GLIS1: variants seen among roughly 807,000 people sequenced by gnomAD.
GLIS1 encodes zinc finger protein GLIS1.
GLIS1 carries 24 observed loss-of-function variants against 63.8 expected under a neutral mutation model. The ratio of observed to expected loss-of-function variants is 0.38; its 90% CI spans 0.27 to 0.53. GLIS1 has a LOEUF of 0.53. GLIS1 is among the 20% of genes least tolerant of loss of function. GLIS1 has a pLI of 0.85. For missense variants in GLIS1, 1,036 were observed against 1,074.1 expected, an observed-to-expected ratio of 0.96 and a Z score of 0.50; for synonymous variants, 450 against 482.5, an observed-to-expected ratio of 0.93 and a Z score of 0.88.
At chr1:53,707,161 T>G (rs1023199964) in intron 2 of GLIS1, among the ~76,000 whole-genome samples, 4 of 152,120 alleles carry the variant, frequency 2.6e-5, no homozygotes, top group African/African-American at 9.7e-5. Flanking sequence ...CCAGGCTGTT[T>G]TGAAGCCCTG....
intron 2 of GLIS1, among the ~76,000 whole-genome samples, chr1:53,700,801 G>C (rs1646515623): frequency 6.6e-6 from 1 of 152,082 alleles, no homozygotes; most frequent in South Asian, 2.1e-4. Context: ...CCAGCCCCTG[G>C]CAACACTAAT....
chr1:53,606,583 C>T (rs1033849464), intron 2 of GLIS1, among the ~76,000 whole-genome samples: 1 of 152,206 alleles, frequency 6.6e-6, no homozygotes, highest in African/African-American at 2.4e-5. Context: ...CTCGTCACTC[C>T]CTCTTTTCCC....
rs946325998 is a variant in GLIS1 at position 53,650,546 on chromosome 1, C to CG, written c.260-50269dup. On this transcript the variant is annotated intron_variant, in intron 2 of 10. Coordinates refer to ENST00000628545, the MANE Select transcript of GLIS1 (RefSeq NM_001367484.1). ...ATGAGGTTGCAGTGAGCCAAGATCA[C>CG]GCCATTGCACTCCAACCTGGGCAAC... 2.0e-5 allele frequency among the ~76,000 whole-genome samples: 3 copies of CG among 146,454 alleles called. No homozygotes were observed. The Admixed American group carries it at 2.1e-4, about 10-fold the overall frequency.
At chr1:53,623,575 T>C (rs1269779685) in intron 2 of GLIS1, among the ~76,000 whole-genome samples, 1 of 152,072 alleles carries the variant, frequency 6.6e-6, no homozygotes, top group Non-Finnish European at 1.5e-5. Flanking sequence ...AGCATGAAGA[T>C]GGAAAAAGAA....
chr1:53,659,935 CA>C (rs1273103880), intron 2 of GLIS1, among the ~76,000 whole-genome samples: 1 of 152,174 alleles, frequency 6.6e-6, no homozygotes, highest in African/African-American at 2.4e-5. Context: ...GGCACTGGAA[CA>C]AAAAGGCCCC....
intron 9 of GLIS1, 86 bp from the exon 10 acceptor site, chr1:53,509,373 T>G: frequency 7.8e-7 from 1 of 1,290,208 alleles, no homozygotes; most frequent in Non-Finnish European, 1.1e-6. Context: ...ACGCTCCACC[T>G]CCCGTGTTGT....
At chr1:53,663,919 A>AACC (rs1646059403) in intron 2 of GLIS1, among the ~76,000 whole-genome samples, 1 of 150,392 alleles carries the variant, frequency 6.6e-6, no homozygotes, top group Non-Finnish European at 1.5e-5. Flanking sequence ...AGGCGCCTCG[A>AACC]GGGAACCGGG....
At chr1:53,684,485 C>A (rs1167282979) in intron 2 of GLIS1, among the ~76,000 whole-genome samples, 1 of 152,152 alleles carries the variant, frequency 6.6e-6, no homozygotes, top group Admixed American at 6.5e-5. Context: ...AGCCTCACTT[C>A]ACACTGTGAG....
At chr1:53,601,940 G>A (rs974164535) in intron 2 of GLIS1, among the ~76,000 whole-genome samples, 15 of 152,184 alleles carry the variant, frequency 9.9e-5, no homozygotes, top group African/African-American at 3.6e-4. Flanking sequence ...TGCCGAGCAC[G>A]TTCCAGTCTG....
At chr1:53,626,758 T>A (rs1645598437) in intron 2 of GLIS1, among the ~76,000 whole-genome samples, 1 of 152,180 alleles carries the variant, frequency 6.6e-6, no homozygotes, top group African/African-American at 2.4e-5. Context: ...ACATCCTTGC[T>A]CTGCTCCTCC....
At chr1:53,525,030 C>T (rs1644451611) in intron 5 of GLIS1, 143 bp from the exon 6 acceptor site, 2 of 648,070 alleles carry the variant, frequency 3.1e-6, no homozygotes, top group Non-Finnish European at 5.4e-6. Context: ...CCCGGCCCAG[C>T]TGTGGGGAAG....
intron 8 of GLIS1, among the ~76,000 whole-genome samples, chr1:53,513,291 A>G (rs1032695122): frequency 7.3e-5 from 11 of 151,370 alleles, no homozygotes; most frequent in Non-Finnish European, 1.5e-4. Context: ...CCAGCGCCCC[A>G]CAGTCCACCC....
At chr1:53,543,842 T>C (rs953049233) in intron 4 of GLIS1, among the ~76,000 whole-genome samples, 4 of 152,032 alleles carry the variant, frequency 2.6e-5, no homozygotes, top group African/African-American at 9.7e-5. Flanking sequence ...CATCCGGCTC[T>C]CACATGAGCC....
chr1:53,511,524 A>G lies in GLIS1; in HGVS notation c.1884-1497T>C, dbSNP rs1478408745. On this transcript the variant is annotated intron_variant, in intron 8 of 10. Transcript: ENST00000628545. This position sits in a 1 kb window ranked among gnomAD's most constrained non-coding sequence, Gnocchi z 4.2. ...CCGTCACTGTGAGCTCGCTGAGGAC[A>G]GGGGAAGCAGGGCCTCGGTGCTGGG... Among the ~76,000 whole-genome samples, 4 of 152,186 alleles carry G rather than the reference A, an allele frequency of 2.6e-5. No homozygotes were observed. Among genetic ancestry groups the G allele is most frequent in the Non-Finnish European group, 5.9e-5 (4 of 68,014 alleles).
chr1:53,637,728 C>T (rs1471791727), intron 2 of GLIS1, among the ~76,000 whole-genome samples: 6 of 152,176 alleles, frequency 3.9e-5, no homozygotes, highest in Non-Finnish European at 8.8e-5. Flanking sequence ...CAGGCTTTGG[C>T]TGGTGGCCTC....
chr1:53,682,718 T>C (rs1397517096), intron 2 of GLIS1, among the ~76,000 whole-genome samples: 1 of 152,196 alleles, frequency 6.6e-6, no homozygotes, highest in Non-Finnish European at 1.5e-5. Context: ...TCATAACAAG[T>C]GTGCAGCAGT....
intron 4 of GLIS1, among the ~76,000 whole-genome samples, chr1:53,546,941 C>T (rs1475165892): frequency 9.8e-6 from 1 of 102,302 alleles, no homozygotes; most frequent in Non-Finnish European, 2.5e-5. Flanking sequence ...CTCTTTCTTC[C>T]CCTGACTGGG....
intron 4 of GLIS1, among the ~76,000 whole-genome samples, chr1:53,576,953 C>G (rs1278308029): frequency 6.6e-6 from 1 of 152,116 alleles, no homozygotes; most frequent in Non-Finnish European, 1.5e-5. Flanking sequence ...CCACCAAAAC[C>G]CTCCCTGACC....
intron 10 of GLIS1, among the ~76,000 whole-genome samples, chr1:53,507,081 AAG>A: frequency 6.6e-6 from 1 of 152,192 alleles, no homozygotes; most frequent in East Asian, 1.9e-4. Flanking sequence ...ATGTGGGGGA[AAG>A]AGAGGAGCAG....
Sources: gnomAD v4.1 joint callset for allele counts (sites outside exome capture counted in the v4.1 genomes callset) on GRCh38, gnomAD v4.1.1 for gene constraint, Gnocchi (gnomAD v3.1) non-coding constraint, MANE v1.5 for transcripts, NCBI Gene and HGNC (gene_info 2026-07-23, HGNC 2026-07-21) for gene names.